The following PIK3R3 variants were observed in gnomAD, a reference collection of about 807,000 sequenced individuals.
PIK3R3 encodes phosphatidylinositol 3-kinase regulatory subunit gamma.
Under a neutral mutation model 62.9 loss-of-function variants are expected in PIK3R3, and 64 were observed. That is an observed-to-expected ratio of 1.02 (90% CI 0.83 to 1.25). The LOEUF (loss-of-function observed/expected upper bound fraction) is 1.25, where lower values mean the gene tolerates loss of function less well. Among genes scored for constraint, PIK3R3 ranks in the 50% most tolerant of loss-of-function variants. PIK3R3 has a pLI of 0.00. For missense variants in PIK3R3, 614 were observed against 561.6 expected (o/e 1.09, Z -0.94); for synonymous variants, 165 against 189.0 (o/e 0.87, Z 1.04).
intron 1 of PIK3R3, among the ~76,000 whole-genome samples, chr1:46,084,281 T>A (rs567882075): frequency 6.6e-6 from 1 of 152,298 alleles, no homozygotes; most frequent in African/African-American, 2.4e-5. Flanking sequence ...GAGTGACTGC[T>A]AATGTATAAA....
At position 46,075,432 on chromosome 1, in the gene PIK3R3, C is replaced by T. The variant is rs549598570; in HGVS notation, c.314+2083G>A. On this transcript the variant is annotated intron_variant, in intron 3 of 9. Transcript: ENST00000262741. ...AGTTTTGAGACCAGCCTGGGCAACA[C>T]AGGGAGACTCCATCTCTACAAAAAA... Among the ~76,000 whole-genome samples the T allele has an allele frequency of 7.2e-5, 11 of 152,190 alleles. No homozygotes were observed. In the South Asian group the frequency reaches 1.7e-3, roughly 23 times the overall value.
At chr1:46,105,160 A>T (rs1571509709) in intron 1 of PIK3R3, 2 of 654,840 alleles carry the variant, frequency 3.1e-6, no homozygotes, top group Non-Finnish European at 5.6e-6. Flanking sequence ...CTCCGAAGGA[A>T]TGGAGAGATC....
chr1:46,058,070 GTGCCC>G (rs1431044990), intron 6 of PIK3R3, among the ~76,000 whole-genome samples: 1 of 152,208 alleles, frequency 6.6e-6, no homozygotes, highest in South Asian at 2.1e-4. Context: ...TAGAGACTTG[GTGCCC>G]TGCGTCCTAG....
chr1:46,077,633 G>T lies in PIK3R3; in HGVS notation c.216-20C>A. On this transcript the variant is annotated intron_variant, in intron 2 of 9. Transcript: ENST00000262741. ...TCCTCCCTGAAGAACAGAATTATAAGAAAAATGAAAAAATGTCAACACTGG... is the reference window on the plus strand; with the variant it reads ...TCCTCCCTGAAGAACAGAATTATAATAAAAATGAAAAAATGTCAACACTGG... 6.8e-7 allele frequency: 1 copy of T among 1,479,046 alleles called. No individual in the cohort carries two copies. The highest frequency in any genetic ancestry group is 1.1e-5 in the South Asian group (1 of 88,024). The allele number at this position is 1,479,046 out of a possible 1,614,324, so 91.6% of individuals were successfully genotyped here.
At chr1:46,142,963 T>C in the PIK3R3 span, among the ~76,000 whole-genome samples, 16 of 152,200 alleles carry the variant, frequency 1.1e-4, no homozygotes, top group Non-Finnish European at 1.6e-4. Flanking sequence ...TGGAAAACAT[T>C]GTTGCAACAA....
chr1:46,089,631 C>T (rs1448971180), intron 1 of PIK3R3, among the ~76,000 whole-genome samples: 1 of 151,110 alleles, frequency 6.6e-6, no homozygotes, highest in African/African-American at 2.4e-5. Flanking sequence ...CGGAGAATTG[C>T]TTGAACCTGG....
At chr1:46,152,393 A>G in the PIK3R3 span, among the ~76,000 whole-genome samples, 2 of 152,050 alleles carry the variant, frequency 1.3e-5, no homozygotes, top group African/African-American at 4.8e-5. Flanking sequence ...TCAGATCCTC[A>G]TAAGTCTCTA....
At chr1:46,062,979 T>C (rs1270996390) in intron 5 of PIK3R3, among the ~76,000 whole-genome samples, 1 of 152,174 alleles carries the variant, frequency 6.6e-6, no homozygotes, top group Non-Finnish European at 1.5e-5. Context: ...GGCAATTGAT[T>C]ACTGAGAATC....
At chr1:46,090,873 T>G (rs1184451645) in intron 1 of PIK3R3, among the ~76,000 whole-genome samples, 1 of 152,220 alleles carries the variant, frequency 6.6e-6, no homozygotes, top group Non-Finnish European at 1.5e-5. Context: ...TGGGAGTATT[T>G]ATACTTTGGA....
At chr1:46,056,526 C>A (rs1647933137) in intron 6 of PIK3R3, 1 of 152,258 alleles carries the variant, frequency 6.6e-6, no homozygotes, top group Non-Finnish European at 1.5e-5. Flanking sequence ...TCCACTCTAT[C>A]CCATCCCTAC....
At chr1:46,081,541 C>CT (rs1256725391) in intron 1 of PIK3R3, among the ~76,000 whole-genome samples, 1 of 152,146 alleles carries the variant, frequency 6.6e-6, no homozygotes, top group African/African-American at 2.4e-5. Context: ...GAAAATCTAA[C>CT]TAATGCCTGA....
At chr1:46,101,262 G>A (rs1003115081) in intron 1 of PIK3R3, among the ~76,000 whole-genome samples, 1 of 152,078 alleles carries the variant, frequency 6.6e-6, no homozygotes, top group Non-Finnish European at 1.5e-5. Flanking sequence ...TTGGGAGGCT[G>A]AGGTGGGCGG....
At chr1:46,141,694 A>T in the PIK3R3 span, among the ~76,000 whole-genome samples, 3 of 152,250 alleles carry the variant, frequency 2.0e-5, no homozygotes, top group African/African-American at 7.2e-5. Flanking sequence ...ACTTTGTCAT[A>T]GACTAGCTCT....
chr1:46,121,789 A>C (rs1317488209), intron 1 of PIK3R3, among the ~76,000 whole-genome samples: 1 of 152,212 alleles, frequency 6.6e-6, no homozygotes, highest in Non-Finnish European at 1.5e-5. Context: ...AGGAAGTCCA[A>C]GTATGGATAA....
chr1:46,087,541 G>A (rs1002140651), intron 1 of PIK3R3, among the ~76,000 whole-genome samples: 1 of 143,426 alleles, frequency 7.0e-6, no homozygotes, highest in Admixed American at 6.9e-5. Flanking sequence ...ACCCTAAAAA[G>A]CATCTAAAAA....
the PIK3R3 span, among the ~76,000 whole-genome samples, chr1:46,148,524 T>C: frequency 4.9e-4 from 75 of 152,292 alleles, 1 homozygote; most frequent in African/African-American, 1.2e-3. Flanking sequence ...TTGGATCACA[T>C]GCTTACTCCT....
intron 1 of PIK3R3, among the ~76,000 whole-genome samples, chr1:46,091,449 C>T (rs1287197247): frequency 2.0e-5 from 3 of 149,206 alleles, no homozygotes; most frequent in Admixed American, 1.4e-4. Context: ...CCCATTTTTA[C>T]ATTTTTAAAT....
chr1:46,167,356 T>C, the PIK3R3 span, among the ~76,000 whole-genome samples: 2 of 152,080 alleles, frequency 1.3e-5, no homozygotes, highest in Admixed American at 1.3e-4. Context: ...AATGGGGCAG[T>C]GGGGAGGAAG....
intron 1 of PIK3R3, among the ~76,000 whole-genome samples, chr1:46,097,695 C>G (rs529817911): frequency 7.6e-4 from 116 of 152,142 alleles, no homozygotes; most frequent in Admixed American, 2.2e-3. Context: ...CAAGACCAGC[C>G]TGGCCAACAT....
Sources: gnomAD v4.1 joint callset for allele counts (sites outside exome capture counted in the v4.1 genomes callset) on GRCh38, gnomAD v4.1.1 for gene constraint, MANE v1.5 for transcripts, NCBI Gene and HGNC (gene_info 2026-07-23, HGNC 2026-07-21) for gene names.